Variants in SIPA1L1 observed in about 807,000 individuals in gnomAD.
SIPA1L1 encodes signal induced proliferation associated 1 like 1, also known as signal-induced proliferation-associated 1-like protein 1.
Under a neutral mutation model 162.7 loss-of-function variants are expected in SIPA1L1, and 26 were observed. That is an observed-to-expected ratio of 0.16 (90% CI 0.12 to 0.22). The LOEUF (loss-of-function observed/expected upper bound fraction) is 0.22, where lower values mean the gene tolerates loss of function less well. Among genes scored for constraint, SIPA1L1 ranks in the 10% least tolerant of loss-of-function variants. SIPA1L1 has a pLI of 1.00. For missense variants in SIPA1L1, 1,874 were observed against 2,241.0 expected (o/e 0.84, Z 3.31); for synonymous variants, 829 against 837.4 (o/e 0.99, Z 0.17).
intron 3 of SIPA1L1, among the ~76,000 whole-genome samples, chr14:71,525,188 A>G (rs1595900247): frequency 6.9e-6 from 1 of 145,658 alleles, no homozygotes; most frequent in Non-Finnish European, 1.5e-5. Flanking sequence ...AGCCCAACTG[A>G]CTTTTTTTTT....
intron 4 of SIPA1L1, among the ~76,000 whole-genome samples, chr14:71,570,758 C>G (rs2031825042): frequency 6.6e-6 from 1 of 152,104 alleles, no homozygotes; most frequent in Non-Finnish European, 1.5e-5. Context: ...AGAGAAAATA[C>G]TGCATTCATG....
intron 5 of SIPA1L1, among the ~76,000 whole-genome samples, chr14:71,615,863 G>A (rs2038778999): frequency 6.6e-6 from 1 of 152,274 alleles, no homozygotes; most frequent in South Asian, 2.1e-4. Context: ...GGGCATGATG[G>A]TGCACACCTG....
intron 2 of SIPA1L1, chr14:71,467,309 C>G (rs1456749334): frequency 6.6e-6 from 1 of 152,132 alleles, no homozygotes; most frequent in Non-Finnish European, 1.5e-5. Flanking sequence ...ATTTGCCTAT[C>G]TATTTATACA....
chr14:71,569,991 A>T (rs1289952108), intron 4 of SIPA1L1, among the ~76,000 whole-genome samples: 1 of 152,228 alleles, frequency 6.6e-6, no homozygotes, highest in African/African-American at 2.4e-5. Flanking sequence ...ATGTTAAGTA[A>T]CATTGTGGCA....
chr14:71,348,194 C>A (rs1216894697), intron 2 of SIPA1L1, among the ~76,000 whole-genome samples: 7 of 152,116 alleles, frequency 4.6e-5, no homozygotes, highest in Non-Finnish European at 1.5e-5. Context: ...ACACATGTAA[C>A]CACCATGCAG....
At chr14:71,531,533 G>A (rs1486339822) in intron 4 of SIPA1L1, among the ~76,000 whole-genome samples, 4 of 151,858 alleles carry the variant, frequency 2.6e-5, no homozygotes, top group Admixed American at 2.0e-4. Context: ...TGTGTGAAAT[G>A]TATCTTTTTT....
At chr14:71,600,061 T>C (rs1750754226) in intron 5 of SIPA1L1, among the ~76,000 whole-genome samples, 1 of 152,222 alleles carries the variant, frequency 6.6e-6, no homozygotes, top group South Asian at 2.1e-4. Flanking sequence ...ATTAAACTCA[T>C]GGTTTCTTCA....
chr14:71,407,322 C>G (rs2140195994), intron 2 of SIPA1L1, among the ~76,000 whole-genome samples: 1 of 152,234 alleles, frequency 6.6e-6, no homozygotes, highest in African/African-American at 2.4e-5. Flanking sequence ...AATTTACATG[C>G]CTTTGCTTTG....
chr14:71,647,848 C>T (rs1207970193), intron 7 of SIPA1L1, among the ~76,000 whole-genome samples: 2 of 152,198 alleles, frequency 1.3e-5, no homozygotes, highest in Middle Eastern at 3.4e-3. Context: ...GAAGCAGGCC[C>T]GCTAAGAAAG....
At chr14:71,349,992 A>G (rs1361847876) in intron 2 of SIPA1L1, among the ~76,000 whole-genome samples, 1 of 152,172 alleles carries the variant, frequency 6.6e-6, no homozygotes, top group East Asian at 1.9e-4. Flanking sequence ...TGAAGAGACT[A>G]AGGGAAAATA....
intron 2 of SIPA1L1, among the ~76,000 whole-genome samples, chr14:71,409,496 A>G (rs1374525002): frequency 6.6e-6 from 1 of 152,214 alleles, no homozygotes; most frequent in Non-Finnish European, 1.5e-5. Flanking sequence ...AGCCAGATTT[A>G]CTACTCTTAC....
intron 7 of SIPA1L1, among the ~76,000 whole-genome samples, chr14:71,628,736 T>C (rs1248017356): frequency 6.6e-6 from 1 of 152,086 alleles, no homozygotes; most frequent in Non-Finnish European, 1.5e-5. Flanking sequence ...TGGGGACAAG[T>C]CATAATGGTT....
At chr14:71,506,097 G>T (rs1416685538) in intron 2 of SIPA1L1, among the ~76,000 whole-genome samples, 4 of 151,522 alleles carry the variant, frequency 2.6e-5, no homozygotes, top group Non-Finnish European at 5.9e-5. Context: ...TTCCAGGTTT[G>T]CACACGTTGT....
At chr14:71,669,311 G>A (rs1464395997) in intron 10 of SIPA1L1, among the ~76,000 whole-genome samples, 2 of 152,274 alleles carry the variant, frequency 1.3e-5, no homozygotes, top group South Asian at 2.1e-4. Flanking sequence ...AAATGGATCT[G>A]CAGAAAGCCA....
intron 4 of SIPA1L1, among the ~76,000 whole-genome samples, chr14:71,545,963 G>A (rs775559088): frequency 2.0e-5 from 3 of 152,030 alleles, no homozygotes; most frequent in Non-Finnish European, 4.4e-5. Flanking sequence ...AGCCAGGATT[G>A]ATAGCACATG....
intron 2 of SIPA1L1, among the ~76,000 whole-genome samples, chr14:71,388,861 G>T (rs1487785615): frequency 6.6e-6 from 1 of 152,182 alleles, no homozygotes; most frequent in Non-Finnish European, 1.5e-5. Context: ...TTTCATTGAA[G>T]AACTTTCTGA....
At chr14:71,676,086 T>G (rs1596865383) in intron 12 of SIPA1L1, among the ~76,000 whole-genome samples, 1 of 130,742 alleles carries the variant, frequency 7.6e-6, no homozygotes, top group Non-Finnish European at 1.6e-5. Context: ...GTGAGGCTGG[T>G]CTCAAACTCC....
intron 7 of SIPA1L1, among the ~76,000 whole-genome samples, chr14:71,629,639 C>A (rs2148705298): frequency 6.6e-6 from 1 of 152,294 alleles, no homozygotes. Context: ...ATTGGTAGTT[C>A]TGTTTTCATT....
At chr14:71,648,685 A>G (rs1451576458) in intron 7 of SIPA1L1, among the ~76,000 whole-genome samples, 1 of 152,240 alleles carries the variant, frequency 6.6e-6, no homozygotes, top group Non-Finnish European at 1.5e-5. Context: ...AGATGAATAA[A>G]TTAAAAGTAC....
Sources: allele counts gnomAD v4.1 joint callset (sites outside exome capture counted in the v4.1 genomes callset), GRCh38; gene constraint gnomAD v4.1.1; transcripts MANE v1.5; gene names NCBI Gene and HGNC (gene_info 2026-07-23, HGNC 2026-07-21).